Variants in SAG observed in about 807,000 individuals in gnomAD.
The protein encoded by SAG is S-antigen visual arrestin.
SAG carries 45 observed loss-of-function variants against 55.0 expected under a neutral mutation model. The ratio of observed to expected loss-of-function variants is 0.82; its 90% CI spans 0.64 to 1.05. The LOEUF (loss-of-function observed/expected upper bound fraction) is 1.05, where lower values mean the gene tolerates loss of function less well. Among genes scored for constraint, SAG ranks in the 50% least tolerant of loss-of-function variants. SAG has a pLI of 0.00. For missense variants in SAG, 455 were observed against 512.1 expected (o/e 0.89, Z 1.08); for synonymous variants, 189 against 197.4 (o/e 0.96, Z 0.36).
intron 13 of SAG, among the ~76,000 whole-genome samples, chr2:233,341,934 C>T (rs1276651338): frequency 6.6e-6 from 1 of 152,122 alleles, no homozygotes; most frequent in Non-Finnish European, 1.5e-5. Flanking sequence ...GCCTGGGCAA[C>T]ATGGTGAAAC....
intron 14 of SAG, chr2:233,343,876 C>A: frequency 4.5e-6 from 2 of 448,598 alleles, no homozygotes; most frequent in Non-Finnish European, 6.0e-6. Flanking sequence ...TTAGAATGAG[C>A]CCCCACTATT....
chr2:233,342,532 G>C (rs781416855), intron 14 of SAG: 11 of 588,464 alleles, frequency 1.9e-5, no homozygotes, highest in Non-Finnish European at 2.7e-5. Flanking sequence ...TCCACCTTCA[G>C]CTGGAGTCTG....
intron 6 of SAG, among the ~76,000 whole-genome samples, 171 bp from the exon 7 acceptor site, chr2:233,326,950 T>C (rs1031190009): frequency 6.6e-6 from 1 of 152,242 alleles, no homozygotes; most frequent in South Asian, 2.1e-4. Flanking sequence ...TGTAATTGTT[T>C]CACTGTCAGT....
chr2:233,318,722 C>T, intron 3 of SAG, 29 bp from the exon 4 acceptor site: 5 of 1,607,840 alleles, frequency 3.1e-6, no homozygotes, highest in East Asian at 2.2e-5. Context: ...CTTCTCCACC[C>T]TCACTGCTCT....
At chr2:233,329,874 T>C (rs1251193429) in intron 9 of SAG, among the ~76,000 whole-genome samples, 1 of 152,244 alleles carries the variant, frequency 6.6e-6, no homozygotes, top group East Asian at 1.9e-4. Context: ...GGTTGACAGA[T>C]GCAGCACATT....
At chr2:233,328,647 A>C in intron 8 of SAG, 34 bp downstream of exon 8, 1 of 1,584,250 alleles carries the variant, frequency 6.3e-7, no homozygotes, top group Non-Finnish European at 8.6e-7. Flanking sequence ...CCCGCAGGGC[A>C]GCAGGCCTAG....
intron 9 of SAG, among the ~76,000 whole-genome samples, chr2:233,330,563 C>T (rs1700727113): frequency 6.7e-6 from 1 of 150,086 alleles, no homozygotes; most frequent in Admixed American, 6.7e-5. Flanking sequence ...CACAGTCTCC[C>T]TCTGTCACCC....
chr2:233,320,058 G>T, intron 4 of SAG: 5 of 848,070 alleles, frequency 5.9e-6, no homozygotes, highest in Non-Finnish European at 7.1e-6. Context: ...AGAAGTGGGG[G>T]TTTAGAGAAT....
rs1285584018 is a variant in SAG, at chr2:233,318,779, T to C, written c.165T>C (p.Leu55=). 6.2e-7 allele frequency: 1 copy of C among 1,613,738 alleles called. No homozygotes were observed. Among genetic ancestry groups the C allele is most frequent in the East Asian group, 2.2e-5 (1 of 44,896 alleles). The part of the protein sequence containing the change: ...VDGVVLVDPD[L]VKGKKVYVTL... ...GTGTCGTGTTGGTTGATCCTGATCT[T>C]GTGAAGGGAAAGAAAGGTGAGATGA... The change falls in exon 4 of 16, where the codon CTT becomes CTC. Residue 55 remains leucine (L), a synonymous_variant. Coordinates refer to ENST00000409110, the MANE Select transcript of SAG (RefSeq NM_000541.5).
At chr2:233,335,195 C>T (rs1427145449) in intron 11 of SAG, 96 bp downstream of exon 11, 5 of 1,455,242 alleles carry the variant, frequency 3.4e-6, no homozygotes, top group East Asian at 2.4e-5. Flanking sequence ...CAGGCACGCA[C>T]GTGCAGCATG....
chr2:233,310,513 T>TTTC (rs1221160308), intron 2 of SAG, among the ~76,000 whole-genome samples: 23 of 146,658 alleles, frequency 1.6e-4, no homozygotes, highest in African/African-American at 4.6e-4. Flanking sequence ...TGGCTTTTTT[T>TTTC]TTTTTTTTTT....
Position 233,316,036 on chromosome 2 carries a change from A to G in SAG, c.76-39A>G, listed in dbSNP as rs148937921. On this transcript the variant is annotated intron_variant, in intron 2 of 15. Coordinates refer to ENST00000409110, the MANE Select transcript of SAG (RefSeq NM_000541.5). ...TTTATCATGGATGCCTTAGCTTAGC[A>G]TTCTTTGGCCCTTAGACCCACACCT... The G allele has an allele frequency of 7.0e-5, 91 of 1,306,226 alleles. No homozygotes were observed. The African/African-American group carries it at 1.1e-3, about 16-fold the overall frequency. The allele number at this position is 1,306,226 out of a possible 1,614,324, so 80.9% of individuals were successfully genotyped here.
chr2:233,324,235 T>C (rs1460121690), intron 6 of SAG, among the ~76,000 whole-genome samples: 3 of 151,896 alleles, frequency 2.0e-5, no homozygotes, highest in African/African-American at 7.3e-5. Flanking sequence ...CTACAAAAAA[T>C]ACAAATATTA....
At chr2:233,334,910 G>A in intron 10 of SAG, 52 bp from the exon 11 acceptor site, 2 of 1,598,192 alleles carry the variant, frequency 1.3e-6, no homozygotes, top group Non-Finnish European at 1.7e-6. Flanking sequence ...GGGCTCATGG[G>A]GTCCATGGCA....
chr2:233,327,042 G>T (rs1700580594), intron 6 of SAG, 79 bp from the exon 7 acceptor site: 2 of 1,031,572 alleles, frequency 1.9e-6, no homozygotes, highest in South Asian at 2.6e-5. Flanking sequence ...CATGTGCCCT[G>T]TGTGAGGTGT....
chr2:233,332,052 T>C, intron 10 of SAG: 1 of 308,726 alleles, frequency 3.2e-6, no homozygotes, highest in South Asian at 3.6e-5. Flanking sequence ...TATTTCCACC[T>C]CCCAGAAGAT....
chr2:233,334,779 C>T (rs1700869540), intron 10 of SAG, 183 bp from the exon 11 acceptor site: 1 of 620,424 alleles, frequency 1.6e-6, no homozygotes, highest in Non-Finnish European at 2.9e-6. Context: ...TGCCAGCCCA[C>T]CCTGAGATTT....
At chr2:233,341,944 C>T (rs1300846768) in intron 13 of SAG, among the ~76,000 whole-genome samples, 1 of 152,168 alleles carries the variant, frequency 6.6e-6, no homozygotes, top group South Asian at 2.1e-4. Context: ...CATGGTGAAA[C>T]CCCATCTCTA....
At chr2:233,327,467 G>A (rs1574941247) in intron 7 of SAG, 1 of 297,762 alleles carries the variant, frequency 3.4e-6, no homozygotes, top group Non-Finnish European at 6.3e-6. Flanking sequence ...TGTTGTTGTT[G>A]TTTGTTTGTT....
Sources: allele counts gnomAD v4.1 joint callset (sites outside exome capture counted in the v4.1 genomes callset), GRCh38; gene constraint gnomAD v4.1.1; transcripts MANE v1.5; gene names NCBI Gene and HGNC (gene_info 2026-07-23, HGNC 2026-07-21).